NSFL1C: variants seen among roughly 807,000 people sequenced by gnomAD.
The protein encoded by NSFL1C is NSFL1 cofactor.
NSFL1C carries 14 observed loss-of-function variants against 43.1 expected under a neutral mutation model. That is an observed-to-expected ratio of 0.32 (90% CI 0.21 to 0.51). The LOEUF (loss-of-function observed/expected upper bound fraction) is 0.51. Ranked by LOEUF, NSFL1C falls within the 20% of genes least tolerant of loss-of-function variation. The probability of loss-of-function intolerance (pLI) is 0.98; values close to 1 mark genes in which losing one functional copy is unlikely to be tolerated. For synonymous variants in NSFL1C, 171 were observed against 183.5 expected, an observed-to-expected ratio of 0.93 and a Z score of 0.55; for missense variants, 406 against 472.5, an observed-to-expected ratio of 0.86 and a Z score of 1.30.
In NSFL1C at chr20:1,442,935, T is replaced by C. The variant is rs1315205978; in HGVS notation, c.*814A>G. The stretch of plus-strand genomic sequence containing the variant: ...TGAACTCACTTAGGATGGGTTGGCA[T>C]GAGCTGTATCCTAGTGAAAAAAAAT... On this transcript the variant is annotated 3_prime_UTR_variant, in exon 9 of 9. Transcript: ENST00000216879. 1.3e-5 allele frequency: 2 copies of C among 152,276 alleles called. No homozygotes were observed. Among genetic ancestry groups the C allele is most frequent in the South Asian group, 2.1e-4 (1 of 4,826 alleles). 9.4% of individuals were successfully genotyped at this position (152,276 alleles called of 1,614,324 possible). A position where few individuals can be genotyped will look rare whatever the true frequency, so the allele number is the denominator to read the frequency against.
In NSFL1C at chr20:1,466,808, T is replaced by G; in HGVS notation, c.17A>C (p.Gln6Pro). The G allele has an allele frequency of 1.3e-6, 2 of 1,547,904 alleles. No individual in the cohort carries two copies. Among genetic ancestry groups the G allele is most frequent in the Non-Finnish European group, 1.7e-6 (2 of 1,149,576 alleles). Reference sequence around the variant, plus strand: ...CGCCACGAACTCCCTCAGCGCCTCCTGTCGCTCCGCCGCCATCTTCGCCCC... The same window carrying G: ...CGCCACGAACTCCCTCAGCGCCTCCGGTCGCTCCGCCGCCATCTTCGCCCC... MAAER[Q>P]EALREFVAVT... Residue 6 changes from glutamine (Q) to proline (P), a missense_variant, in exon 1 of 9, where the codon CAG becomes CCG. Gln to Pro is a moderately conservative substitution (Grantham distance 76). This residue lies in a region of NSFL1C where 203 missense variants were observed against 216.3 expected (regional missense o/e 0.94). Coordinates refer to ENST00000216879, the MANE Select transcript of NSFL1C (RefSeq NM_016143.5).
intron 2 of NSFL1C, among the ~76,000 whole-genome samples, chr20:1,461,588 G>A (rs1365436765): frequency 6.6e-6 from 1 of 152,218 alleles, no homozygotes; most frequent in Non-Finnish European, 1.5e-5. Context: ...GTGGGTCCAA[G>A]GGTAAACTCT....
At chr20:1,460,634 G>A (rs186742054) in intron 2 of NSFL1C, among the ~76,000 whole-genome samples, 69 of 152,210 alleles carry the variant, frequency 4.5e-4, no homozygotes, top group African/African-American at 1.6e-3. Context: ...CTTTTAATCC[G>A]GTTACCCTAG....
At position 1,454,313 on chromosome 20, in the gene NSFL1C, G is replaced by A; in HGVS notation, c.445-8C>T. ...GCCACCTCCTGCAAATGGCTATAAG[G>A]GACAAGTTCATACACATTTAAGGGG... On this transcript the variant is annotated splice_region_variant and splice_polypyrimidine_tract_variant and intron_variant, in intron 4 of 8. Coordinates refer to ENST00000216879, the MANE Select transcript of NSFL1C (RefSeq NM_016143.5). The A allele has an allele frequency of 6.2e-7, 1 of 1,605,284 alleles. No homozygotes were observed. The highest frequency in any genetic ancestry group is 8.5e-7 in the Non-Finnish European group (1 of 1,173,778).
Position 1,464,350 on chromosome 20 carries a change from A to G in NSFL1C, c.182T>C (p.Val61Ala). The change falls in exon 2 of 9, where the codon GTG (valine) becomes GCG (alanine). Residue 61 changes from valine (V) to alanine (A), a missense_variant. By Grantham distance (64) the Val-to-Ala change is moderately conservative. Around this residue, in one of 3 missense-constraint regions of NSFL1C, gnomAD observed 203 missense variants for 216.3 expected, o/e 0.94. Coordinates refer to ENST00000216879, the MANE Select transcript of NSFL1C (RefSeq NM_016143.5). ...TTACCTGGGGGCTGTGCCTCTGGAC[A>G]CTGAACTGGGGGTTGCCTGCGAAAT... Reference protein sequence around the residue: ...VTISQATPSSVSRGTAPSDNR... With the variant: ...VTISQATPSSASRGTAPSDNR... 1.2e-6 allele frequency: 2 copies of G among 1,614,226 alleles called. No homozygotes were observed. The highest frequency in any genetic ancestry group is 1.7e-6 in the Non-Finnish European group (2 of 1,180,028).
Position 1,454,204 on chromosome 20 carries a change from T to C in NSFL1C, c.537+9A>G, listed in dbSNP as rs1270532269. On this transcript the variant is annotated intron_variant, in intron 5 of 8. Coordinates refer to ENST00000216879, the MANE Select transcript of NSFL1C (RefSeq NM_016143.5). ...CAAGCTTCCCTCATGGGAAGGTGGA[T>C]GCACTCACATCTTGGCTGGAATGCT... The C allele has an allele frequency of 6.2e-7, 1 of 1,606,884 alleles. No homozygotes were observed. Among genetic ancestry groups the C allele is most frequent in the South Asian group, 1.1e-5 (1 of 90,914 alleles).
chr20:1,452,624 C>T lies in NSFL1C; in HGVS notation c.654G>A (p.Val218=). ...GAGCTAGCCTCCGAAGCTCTGCTGG[C>T]ACCTCCCTGTGGAAGAAAAGGCCAT... ...QFLESIRRGE[V]PAELRRLAHG... The change falls in exon 7 of 9, where the codon GTG becomes GTA. Residue 218 remains valine, a synonymous_variant. Transcript: ENST00000216879. 3 of 1,614,086 alleles carry T rather than the reference C, an allele frequency of 1.9e-6. No individual in the cohort carries two copies. The highest frequency in any genetic ancestry group is 2.5e-6 in the Non-Finnish European group (3 of 1,180,004).
rs948971340 is a variant in NSFL1C at position 1,453,026 on chromosome 20, C to T, written c.647+5G>A. ...TGGGACCTACAGGAGGGCTTTTTCA[C>T]TCACCCTCTGCGGATAGACTCCAGA... is the stretch of plus-strand genomic sequence containing the variant. On this transcript the variant is annotated splice_donor_5th_base_variant and intron_variant, in intron 6 of 8. Transcript: ENST00000216879. The T allele has an allele frequency of 1.9e-6, 3 of 1,563,612 alleles. No individual in the cohort carries two copies. The South Asian group carries it at 3.3e-5, about 17-fold the overall frequency.
intron 1 of NSFL1C, 78 bp downstream of exon 1, chr20:1,466,642 C>G (rs2090519767): frequency 7.3e-7 from 1 of 1,374,692 alleles, no homozygotes; most frequent in Non-Finnish European, 9.9e-7. Context: ...GCGCTTCGGC[C>G]GCCGCGGGCT....
chr20:1,459,099 G>A (rs2090360528), intron 2 of NSFL1C, among the ~76,000 whole-genome samples: 1 of 152,100 alleles, frequency 6.6e-6, no homozygotes, highest in African/African-American at 2.4e-5. Flanking sequence ...AAAAAATTCT[G>A]TATTTCTTAG....
chr20:1,452,441 G>A (rs2090200814), intron 7 of NSFL1C, 52 bp downstream of exon 7: 1 of 1,598,416 alleles, frequency 6.3e-7, no homozygotes, highest in Non-Finnish European at 8.5e-7. Flanking sequence ...GGTCTGCTGG[G>A]CTTGGCAGGT....
At chr20:1,454,156 C>T in intron 5 of NSFL1C, 57 bp downstream of exon 5, 1 of 1,387,018 alleles carries the variant, frequency 7.2e-7, no homozygotes, top group South Asian at 1.2e-5. Flanking sequence ...CCAATCCCTT[C>T]AGAAAAATGG....
chr20:1,451,410 T>G (rs977933346), intron 7 of NSFL1C, among the ~76,000 whole-genome samples: 2 of 152,174 alleles, frequency 1.3e-5, no homozygotes, highest in African/African-American at 2.4e-5. Context: ...AGTAGCTACT[T>G]TGAGAACTGC....
intron 7 of NSFL1C, among the ~76,000 whole-genome samples, chr20:1,446,740 T>C (rs2090067842): frequency 6.6e-6 from 1 of 152,170 alleles, no homozygotes; most frequent in Non-Finnish European, 1.5e-5. Flanking sequence ...CCAAACCACC[T>C]GTCCACTTCA....
At chr20:1,456,871 A>G (rs1027450601) in intron 3 of NSFL1C, 3 of 152,264 alleles carry the variant, frequency 2.0e-5, no homozygotes, top group Non-Finnish European at 4.4e-5. Context: ...CAGGCATCCC[A>G]TATAATGGAT....
chr20:1,453,177 G>A (rs771511211), intron 5 of NSFL1C, 37 bp from the exon 6 acceptor site: 1 of 1,200,084 alleles, frequency 8.3e-7, no homozygotes, highest in Non-Finnish European at 1.2e-6. Context: ...CCAGGGATCT[G>A]GCAAGCATAC....
At chr20:1,457,911 A>C in intron 3 of NSFL1C, 1 of 348,648 alleles carries the variant, frequency 2.9e-6, no homozygotes, top group South Asian at 4.0e-5. Context: ...CTCTTTACAA[A>C]CTGATTTCAA....
At chr20:1,462,583 G>A (rs964387377) in intron 2 of NSFL1C, among the ~76,000 whole-genome samples, 7 of 151,174 alleles carry the variant, frequency 4.6e-5, no homozygotes, top group Admixed American at 1.3e-4. Context: ...GTGCAGTGGC[G>A]CAATCTCGAC....
chr20:1,456,059 A>G (rs767078343), intron 3 of NSFL1C: 1 of 291,388 alleles, frequency 3.4e-6, no homozygotes, highest in East Asian at 7.1e-5. Flanking sequence ...ATTCAGAGCT[A>G]AGTCAACAGC....
Sources: gnomAD v4.1 joint callset for allele counts (sites outside exome capture counted in the v4.1 genomes callset) on GRCh38, gnomAD v4.1.1 for gene constraint, gnomAD v4.1.1 regional missense constraint, MANE v1.5 for transcripts, NCBI Gene and HGNC (gene_info 2026-07-23, HGNC 2026-07-21) for gene names.